Variants in RBMS3 observed in about 807,000 individuals in gnomAD.
The protein encoded by RBMS3 is RNA binding motif single stranded interacting protein 3.
In RBMS3, 27 loss-of-function variants were observed where a neutral mutation model predicts 66.8. That is an observed-to-expected ratio of 0.40 (90% CI 0.30 to 0.56). The LOEUF (loss-of-function observed/expected upper bound fraction) is 0.56. Ranked by LOEUF, RBMS3 falls within the 20% of genes least tolerant of loss-of-function variation. The pLI, the probability that RBMS3 is intolerant of heterozygous loss-of-function variation, is 0.40. For synonymous variants in RBMS3, 188 were observed against 183.0 expected, an observed-to-expected ratio of 1.03 and a Z score of -0.22; for missense variants, 513 against 549.5, an observed-to-expected ratio of 0.93 and a Z score of 0.66.
At position 30,009,624 on chromosome 3, in the gene RBMS3, C is replaced by A. The variant is rs905935978; in HGVS notation, c.*5762C>A. On this transcript the variant is annotated 3_prime_UTR_variant, in exon 15 of 15. Transcript: ENST00000383767. ...CACGACTTCTGCAATGAGAGTATAA[C>A]GGTAGCTCTTGGTACAGTCATATTC... 2 of 152,132 alleles carry A rather than the reference C, an allele frequency of 1.3e-5. No individual in the cohort carries two copies. The highest frequency in any genetic ancestry group is 4.8e-5 in the African/African-American group (2 of 41,430). 9.4% of individuals were successfully genotyped at this position (152,132 alleles called of 1,614,324 possible).
chr3:29,662,412 C>CTTA (rs1462991400), intron 4 of RBMS3, among the ~76,000 whole-genome samples: 10 of 152,102 alleles, frequency 6.6e-5, no homozygotes, highest in Admixed American at 6.5e-4. Flanking sequence ...TGAGCATCAC[C>CTTA]TTATATATGT....
At chr3:29,857,811 T>C (rs2059118500) in intron 6 of RBMS3, among the ~76,000 whole-genome samples, 1 of 152,144 alleles carries the variant, frequency 6.6e-6, no homozygotes, top group Non-Finnish European at 1.5e-5. Flanking sequence ...GTAGACATCC[T>C]GACCTCAATC....
At position 29,936,136 on chromosome 3, in the gene RBMS3, C is replaced by G. The variant is rs749697002; in HGVS notation, c.990C>G (p.Ala330=). 1.2e-6 allele frequency: 2 copies of G among 1,613,364 alleles called. No individual in the cohort carries two copies. Among genetic ancestry groups the G allele is most frequent in the Admixed American group, 3.3e-5 (2 of 59,908 alleles). Residue 330 remains alanine, a synonymous_variant, in exon 11 of 15, where the codon GCC becomes GCG. Transcript: ENST00000383767. ...ACCATCCCATGTCAATGCAGCCAGC[C>G]AACATGATGGGCCCACTGACACAGC... ...TMDHPMSMQP[A]NMMGPLTQQM...
At chr3:29,682,779 A>G (rs2051553122) in intron 4 of RBMS3, among the ~76,000 whole-genome samples, 1 of 152,228 alleles carries the variant, frequency 6.6e-6, no homozygotes, top group Non-Finnish European at 1.5e-5. Flanking sequence ...ATTCACAAAA[A>G]GGCTGTCCAA....
At chr3:29,361,683 A>T (rs1188390122) in intron 1 of RBMS3, among the ~76,000 whole-genome samples, 2 of 152,160 alleles carry the variant, frequency 1.3e-5, no homozygotes, top group East Asian at 1.9e-4. Flanking sequence ...TTTCAGGTAC[A>T]CCAATCAGAT....
intron 4 of RBMS3, among the ~76,000 whole-genome samples, chr3:29,659,036 C>T (rs2050428099): frequency 6.6e-6 from 1 of 152,182 alleles, no homozygotes; most frequent in Non-Finnish European, 1.5e-5. Flanking sequence ...CCAGGATGGT[C>T]TTGATCTCCT....
chr3:29,780,997 G>T (rs545263159), intron 6 of RBMS3, among the ~76,000 whole-genome samples: 2 of 150,958 alleles, frequency 1.3e-5, no homozygotes, highest in African/African-American at 4.9e-5. Flanking sequence ...TAAGTTTTAG[G>T]GTACATGTGC....
At chr3:29,714,179 A>G (rs1576595961) in intron 4 of RBMS3, among the ~76,000 whole-genome samples, 2 of 152,130 alleles carry the variant, frequency 1.3e-5, no homozygotes, top group East Asian at 3.8e-4. Context: ...GCAGGCAATA[A>G]TCTAGGACCA....
At chr3:29,568,967 A>ATATG (rs1559475864) in intron 3 of RBMS3, among the ~76,000 whole-genome samples, 1 of 152,168 alleles carries the variant, frequency 6.6e-6, no homozygotes, top group African/African-American at 2.4e-5. Flanking sequence ...TTTAATGTGC[A>ATATG]TATGGCTTTC....
At chr3:29,776,808 C>A (rs1156807268) in intron 6 of RBMS3, among the ~76,000 whole-genome samples, 1 of 151,926 alleles carries the variant, frequency 6.6e-6, no homozygotes, top group African/African-American at 2.4e-5. Context: ...TAGGTAAGGA[C>A]TACCCTTCCA....
intron 1 of RBMS3, among the ~76,000 whole-genome samples, chr3:29,308,758 A>AAAC (rs1553630899): frequency 2.2e-4 from 20 of 89,062 alleles, no homozygotes; most frequent in South Asian, 3.6e-4. Flanking sequence ...AAAAAAAACA[A>AAAC]AAAAAAAAAC....
At chr3:29,920,467 A>C (rs2060742507) in intron 10 of RBMS3, among the ~76,000 whole-genome samples, 1 of 152,160 alleles carries the variant, frequency 6.6e-6, no homozygotes, top group African/African-American at 2.4e-5. Context: ...TGTTTTTCTG[A>C]AATTTTTGCA....
At position 29,327,831 on chromosome 3, in the gene RBMS3, G is replaced by A. The variant is rs1406407996; in HGVS notation, c.75+46075G>A. On this transcript the variant is annotated intron_variant, in intron 1 of 14. Coordinates refer to ENST00000383767, the MANE Select transcript of RBMS3 (RefSeq NM_001003793.3). ...TTGTATTTATATGTAACTCACTATT[G>A]CCATTTCAGTTCATCAAGATTAACA... 2.0e-5 allele frequency among the ~76,000 whole-genome samples: 3 copies of A among 152,120 alleles called. No individual in the cohort carries two copies. In the East Asian group the frequency reaches 5.8e-4, roughly 29 times the overall value.
intron 4 of RBMS3, among the ~76,000 whole-genome samples, chr3:29,660,609 GT>G (rs200467014): frequency 8.4e-4 from 127 of 151,426 alleles, no homozygotes; most frequent in Admixed American, 1.4e-3. Flanking sequence ...GGTTAGCTGG[GT>G]TTTTTTTTAT....
At chr3:29,721,943 A>T (rs768738118) in intron 4 of RBMS3, among the ~76,000 whole-genome samples, 16 of 152,156 alleles carry the variant, frequency 1.1e-4, no homozygotes, top group Admixed American at 2.6e-4. Flanking sequence ...AGCGAGTGGT[A>T]TGCAAATGAA....
intron 7 of RBMS3, among the ~76,000 whole-genome samples, chr3:29,883,684 T>C (rs1280267688): frequency 6.6e-6 from 1 of 152,038 alleles, no homozygotes; most frequent in African/African-American, 2.4e-5. Context: ...TCTGGACTCA[T>C]TACCTACAAA....
intron 1 of RBMS3, among the ~76,000 whole-genome samples, chr3:29,425,870 C>T (rs936276067): frequency 6.6e-6 from 1 of 152,172 alleles, no homozygotes; most frequent in African/African-American, 2.4e-5. Flanking sequence ...TCATTGCCTA[C>T]TTATTCTAGC....
intron 4 of RBMS3, among the ~76,000 whole-genome samples, chr3:29,725,035 G>C (rs1389250304): frequency 1.3e-5 from 2 of 152,216 alleles, no homozygotes; most frequent in African/African-American, 4.8e-5. Flanking sequence ...AAAATAAGTG[G>C]ATGATCCATT....
intron 2 of RBMS3, among the ~76,000 whole-genome samples, chr3:29,478,433 G>A (rs77346334): frequency 0.038 from 5,789 of 152,026 alleles, 153 homozygotes; most frequent in Admixed American, 0.096. Context: ...GCCCTCTTTC[G>A]TAAGGGGACT....
Sources: gnomAD v4.1 joint callset for allele counts (sites outside exome capture counted in the v4.1 genomes callset) on GRCh38, gnomAD v4.1.1 for gene constraint, MANE v1.5 for transcripts, NCBI Gene and HGNC (gene_info 2026-07-23, HGNC 2026-07-21) for gene names.